Variants in CHCHD6 observed in about 807,000 individuals in gnomAD.
CHCHD6 encodes MICOS complex subunit MIC25.
Under a neutral mutation model 32.3 loss-of-function variants are expected in CHCHD6, and 28 were observed. The ratio of observed to expected loss-of-function variants is 0.87; its 90% CI spans 0.64 to 1.19. The LOEUF (loss-of-function observed/expected upper bound fraction) is 1.19. Ranked by LOEUF, CHCHD6 falls within the 50% of genes most tolerant of loss-of-function variation. The probability of loss-of-function intolerance (pLI) is 0.00; values close to 1 mark genes in which losing one functional copy is unlikely to be tolerated. For missense variants in CHCHD6, 333 were observed against 307.0 expected (o/e 1.08, Z -0.63); for synonymous variants, 122 against 117.5 (o/e 1.04, Z -0.25).
chr3:126,916,753 G>A (rs559578763), intron 6 of CHCHD6, among the ~76,000 whole-genome samples: 12 of 152,238 alleles, frequency 7.9e-5, no homozygotes, highest in Non-Finnish European at 1.5e-4. Flanking sequence ...ACAGAACATT[G>A]AGAAGGAGAG....
intron 1 of CHCHD6, among the ~76,000 whole-genome samples, chr3:126,726,634 C>G (rs995589997): frequency 9.2e-5 from 14 of 152,120 alleles, no homozygotes; most frequent in African/African-American, 2.9e-4. Context: ...TGCATGCTGT[C>G]GAGGAGCAGC....
chr3:126,867,687 A>G (rs1942333906), intron 5 of CHCHD6, among the ~76,000 whole-genome samples: 1 of 152,102 alleles, frequency 6.6e-6, no homozygotes, highest in African/African-American at 2.4e-5. Flanking sequence ...ATCTGATATT[A>G]GCCATTGGCC....
intron 1 of CHCHD6, among the ~76,000 whole-genome samples, chr3:126,704,789 C>T (rs187410219): frequency 1.4e-3 from 212 of 152,298 alleles, no homozygotes; most frequent in African/African-American, 5.0e-3. Context: ...TGGGCTTTGC[C>T]TGGGGACTCA....
rs1038646670 is a variant in CHCHD6 at position 126,956,259 on chromosome 3, C to T, written c.567-1157C>T. 2.0e-5 allele frequency among the ~76,000 whole-genome samples: 3 copies of T among 152,310 alleles called. 1 individual carries two copies. On this transcript the variant is annotated intron_variant, in intron 6 of 7. Coordinates refer to ENST00000290913, the MANE Select transcript of CHCHD6 (RefSeq NM_032343.3). ...TTTTTACAGCTCTTTTTGGTGCCCT[C>T]AGCCGTGAGTGGTGTTCAATTTGGA...
At chr3:126,726,541 C>A (rs1334819983) in intron 1 of CHCHD6, among the ~76,000 whole-genome samples, 2 of 146,404 alleles carry the variant, frequency 1.4e-5, no homozygotes, top group East Asian at 4.2e-4. Flanking sequence ...TGCCACAGAC[C>A]TTCAACTTGT....
intron 6 of CHCHD6, among the ~76,000 whole-genome samples, chr3:126,929,075 A>G (rs981067766): frequency 1.3e-5 from 2 of 152,236 alleles, no homozygotes; most frequent in African/African-American, 4.8e-5. Flanking sequence ...TATAGAGCAC[A>G]GTGACAAAGT....
At chr3:126,841,114 A>G (rs1364444457) in intron 4 of CHCHD6, among the ~76,000 whole-genome samples, 1 of 150,170 alleles carries the variant, frequency 6.7e-6, no homozygotes, top group Non-Finnish European at 1.5e-5. Flanking sequence ...CTCATTGTTC[A>G]ATTCCCACCT....
chr3:126,727,969 T>G (rs1450252376), intron 2 of CHCHD6, among the ~76,000 whole-genome samples: 1 of 148,048 alleles, frequency 6.8e-6, no homozygotes, highest in African/African-American at 2.5e-5. Flanking sequence ...ATTCCGTAAC[T>G]CAATTAAAAA....
intron 4 of CHCHD6, among the ~76,000 whole-genome samples, chr3:126,810,055 G>T (rs1939591447): frequency 6.6e-6 from 1 of 152,176 alleles, no homozygotes; most frequent in Non-Finnish European, 1.5e-5. Context: ...TATACAGAGA[G>T]TTTAAGAATC....
At chr3:126,760,592 G>A (rs1937124194) in intron 4 of CHCHD6, among the ~76,000 whole-genome samples, 1 of 152,130 alleles carries the variant, frequency 6.6e-6, no homozygotes, top group African/African-American at 2.4e-5. Context: ...AATCATAACA[G>A]TATTTGTCCT....
chr3:126,808,590 T>A (rs1210121510), intron 4 of CHCHD6, among the ~76,000 whole-genome samples: 1 of 152,234 alleles, frequency 6.6e-6, no homozygotes, highest in Non-Finnish European at 1.5e-5. Context: ...ATTTAATCCA[T>A]TCCTGAAGAA....
intron 4 of CHCHD6, among the ~76,000 whole-genome samples, chr3:126,796,003 C>G (rs772312974): frequency 6.6e-6 from 1 of 152,120 alleles, no homozygotes; most frequent in Non-Finnish European, 1.5e-5. Context: ...GTGACTTGAT[C>G]TCTTCCCTGA....
In CHCHD6 at chr3:126,956,625, G is replaced by C. The variant is rs1002557455; in HGVS notation, c.567-791G>C. Among the ~76,000 whole-genome samples the C allele has an allele frequency of 2.9e-5, 4 of 136,736 alleles. No individual in the cohort carries two copies. The Admixed American group carries it at 3.0e-4, about 10-fold the overall frequency. 89.7% of individuals were successfully genotyped at this position (136,736 alleles called of 152,430 possible). ...CGAGAGAGAGAGAGAGAGAGAGAGA[G>C]AGAAATCTGGAAGGAGACCAACCAA... On this transcript the variant is annotated intron_variant, in intron 6 of 7. Transcript: ENST00000290913.
At position 126,929,573 on chromosome 3, in the gene CHCHD6, C is replaced by CT. The variant is rs916566716; in HGVS notation, c.566+14833dup. 4.1e-3 allele frequency among the ~76,000 whole-genome samples: 613 copies of CT among 147,792 alleles called. 2 individuals are homozygous for CT. Among genetic ancestry groups the CT allele is most frequent in the Middle Eastern group, 0.017 (5 of 288 alleles). ...TGTCATCTCTCTCAACTCTCTCTCT[C>CT]TTTTTTTTTTGAGACAGGGTCTCGC... On this transcript the variant is annotated intron_variant, in intron 6 of 7. Coordinates refer to ENST00000290913, the MANE Select transcript of CHCHD6 (RefSeq NM_032343.3).
intron 4 of CHCHD6, among the ~76,000 whole-genome samples, chr3:126,775,520 A>C (rs1380105248): frequency 1.3e-5 from 2 of 152,208 alleles, no homozygotes; most frequent in African/African-American, 4.8e-5. Flanking sequence ...TGATTTCAAA[A>C]GTCAGTAACT....
Position 126,942,939 on chromosome 3 carries a change from A to G in CHCHD6, c.567-14477A>G, listed in dbSNP as rs535109043. 3.3e-5 allele frequency among the ~76,000 whole-genome samples: 5 copies of G among 152,274 alleles called. No individual in the cohort carries two copies. In the East Asian group the frequency reaches 9.7e-4, roughly 29 times the overall value. ...GGGGGGGAGTATTTCACAAGTCCAT[A>G]GTGATACTTCCAGTTCTAATATCTG... On this transcript the variant is annotated intron_variant, in intron 6 of 7. Coordinates refer to ENST00000290913, the MANE Select transcript of CHCHD6 (RefSeq NM_032343.3).
intron 1 of CHCHD6, among the ~76,000 whole-genome samples, chr3:126,705,281 GTT>G (rs1027398265): frequency 9.9e-5 from 15 of 152,172 alleles, no homozygotes; most frequent in Non-Finnish European, 1.5e-5. Flanking sequence ...TTGTTTACTT[GTT>G]TATTGCGTTT....
chr3:126,835,485 G>A (rs1474974160), intron 4 of CHCHD6, among the ~76,000 whole-genome samples: 1 of 152,196 alleles, frequency 6.6e-6, no homozygotes, highest in Non-Finnish European at 1.5e-5. Flanking sequence ...GTGGGGCTGG[G>A]AGGAGTGGGG....
intron 4 of CHCHD6, among the ~76,000 whole-genome samples, chr3:126,816,618 T>C (rs992436875): frequency 6.6e-6 from 1 of 152,124 alleles, no homozygotes; most frequent in Non-Finnish European, 1.5e-5. Context: ...TCCCATGAGC[T>C]TGGTCTTGAG....
Sources: allele counts gnomAD v4.1 joint callset (sites outside exome capture counted in the v4.1 genomes callset), GRCh38; gene constraint gnomAD v4.1.1; transcripts MANE v1.5; gene names NCBI Gene and HGNC (gene_info 2026-07-23, HGNC 2026-07-21).